The following NELL1 variants were observed in gnomAD, a reference collection of about 807,000 sequenced individuals.
The protein encoded by NELL1 is neural EGFL like 1, also known as protein kinase C-binding protein NELL1.
NELL1 carries 76 observed loss-of-function variants against 107.4 expected under a neutral mutation model. That is an observed-to-expected ratio of 0.71 (90% CI 0.59 to 0.86). NELL1 has a LOEUF of 0.86. NELL1 is among the 40% of genes least tolerant of loss of function. The pLI, the probability that NELL1 is intolerant of heterozygous loss-of-function variation, is 0.00. For missense variants in NELL1, 1,024 were observed against 1,005.5 expected, an observed-to-expected ratio of 1.02 and a Z score of -0.25; for synonymous variants, 353 against 341.2, an observed-to-expected ratio of 1.03 and a Z score of -0.38.
At chr11:20,975,614 A>G (rs962002207) in intron 12 of NELL1, among the ~76,000 whole-genome samples, 5 of 142,424 alleles carry the variant, frequency 3.5e-5, no homozygotes, top group African/African-American at 1.0e-4. Flanking sequence ...ATATATACAC[A>G]TATGTAGATA....
At chr11:20,962,730 T>C (rs779891079) in intron 12 of NELL1, among the ~76,000 whole-genome samples, 2 of 152,252 alleles carry the variant, frequency 1.3e-5, no homozygotes, top group Non-Finnish European at 2.9e-5. Flanking sequence ...TTCTTGGGCA[T>C]GCTCCTGTTT....
At chr11:20,821,413 T>G (rs1456017280) in intron 3 of NELL1, among the ~76,000 whole-genome samples, 1 of 152,206 alleles carries the variant, frequency 6.6e-6, no homozygotes, top group East Asian at 1.9e-4. Context: ...TATGATGAGG[T>G]TGAGGAAGGT....
At chr11:21,437,027 T>C (rs892556260) in intron 15 of NELL1, among the ~76,000 whole-genome samples, 1 of 152,334 alleles carries the variant, frequency 6.6e-6, no homozygotes, top group South Asian at 2.1e-4. Flanking sequence ...TTTTATGACC[T>C]AATATATGGT....
chr11:20,746,194 T>C (rs1239292863), intron 2 of NELL1, among the ~76,000 whole-genome samples: 2 of 152,180 alleles, frequency 1.3e-5, no homozygotes, highest in Non-Finnish European at 2.9e-5. Context: ...CAGTGTCTGT[T>C]GGCAGAGGGA....
intron 17 of NELL1, among the ~76,000 whole-genome samples, chr11:21,562,488 G>A (rs1405251304): frequency 6.6e-6 from 1 of 152,008 alleles, no homozygotes; most frequent in Non-Finnish European, 1.5e-5. Flanking sequence ...TGTGGAGGGG[G>A]AAGACAGCCT....
rs542349627 is a variant in NELL1, at chr11:21,121,294, G to A, written c.1426+7580G>A. 1.4e-4 allele frequency among the ~76,000 whole-genome samples: 21 copies of A among 152,234 alleles called. No homozygotes were observed. The East Asian group carries it at 3.3e-3, about 24-fold the overall frequency. On this transcript the variant is annotated intron_variant, in intron 13 of 19. Coordinates refer to ENST00000357134, the MANE Select transcript of NELL1 (RefSeq NM_006157.5). The stretch of plus-strand genomic sequence containing the variant: ...TGGTGGTGAGAAATGTGGAGTTCAG[G>A]AAGTCATGAAGCAGGGACTTGGATG...
intron 13 of NELL1, among the ~76,000 whole-genome samples, chr11:21,219,048 G>C (rs908833880): frequency 1.3e-5 from 2 of 152,078 alleles, no homozygotes. Context: ...TTTAGTTTAA[G>C]AAACACCCAT....
At chr11:20,720,986 CA>C (rs1855368171) in intron 2 of NELL1, among the ~76,000 whole-genome samples, 1 of 151,826 alleles carries the variant, frequency 6.6e-6, no homozygotes, top group Non-Finnish European at 1.5e-5. Flanking sequence ...CAATAGTAAC[CA>C]AGACACACTA....
chr11:21,036,216 T>C (rs1187083360), intron 12 of NELL1, among the ~76,000 whole-genome samples: 1 of 152,080 alleles, frequency 6.6e-6, no homozygotes, highest in Non-Finnish European at 1.5e-5. Context: ...TACAAAACAC[T>C]GCTCAAGTAA....
chr11:21,437,212 T>A (rs1207684221), intron 15 of NELL1, among the ~76,000 whole-genome samples: 1 of 152,218 alleles, frequency 6.6e-6, no homozygotes, highest in Non-Finnish European at 1.5e-5. Flanking sequence ...AGTGGAATGT[T>A]GAAGTTTCTA....
chr11:21,278,641 A>C (rs1366320248), intron 14 of NELL1, among the ~76,000 whole-genome samples: 1 of 152,164 alleles, frequency 6.6e-6, no homozygotes, highest in Non-Finnish European at 1.5e-5. Context: ...AAAATCAAAG[A>C]ACTAAATAGA....
intron 15 of NELL1, among the ~76,000 whole-genome samples, chr11:21,445,513 TTAG>T (rs1407476525): frequency 6.6e-6 from 1 of 152,024 alleles, no homozygotes; most frequent in Non-Finnish European, 1.5e-5. Flanking sequence ...TTTAGTATTT[TTAG>T]TAGATGTGTG....
At chr11:21,133,684 G>A (rs1307542748) in intron 13 of NELL1, among the ~76,000 whole-genome samples, 1 of 149,678 alleles carries the variant, frequency 6.7e-6, no homozygotes, top group Non-Finnish European at 1.5e-5. Context: ...CAAAATCAGA[G>A]CAGGACTCGG....
At chr11:21,026,375 A>G (rs1197301167) in intron 12 of NELL1, among the ~76,000 whole-genome samples, 1 of 152,022 alleles carries the variant, frequency 6.6e-6, no homozygotes, top group Non-Finnish European at 1.5e-5. Context: ...GGGCCTTTGA[A>G]ATTACTCTGC....
intron 2 of NELL1, among the ~76,000 whole-genome samples, chr11:20,747,324 C>T (rs796528862): frequency 6.6e-6 from 1 of 152,266 alleles, no homozygotes; most frequent in African/African-American, 2.4e-5. Context: ...ATGATTTCTT[C>T]AGCAAGAGGA....
At chr11:20,841,570 A>C (rs1848623751) in intron 3 of NELL1, among the ~76,000 whole-genome samples, 1 of 152,180 alleles carries the variant, frequency 6.6e-6, no homozygotes, top group African/African-American at 2.4e-5. Flanking sequence ...TAGCATAAGA[A>C]TTCTAGGAAT....
intron 2 of NELL1, among the ~76,000 whole-genome samples, chr11:20,728,182 G>A (rs1018966548): frequency 7.9e-5 from 12 of 152,020 alleles, no homozygotes; most frequent in African/African-American, 2.7e-4. Flanking sequence ...AGTTGTTTAA[G>A]TTCCTAATAG....
chr11:21,056,412 G>A (rs1476138045), intron 12 of NELL1, among the ~76,000 whole-genome samples: 1 of 152,114 alleles, frequency 6.6e-6, no homozygotes, highest in African/African-American at 2.4e-5. Context: ...AAGTGAGGAG[G>A]TTTGGGTCCC....
At chr11:21,273,096 A>G (rs771272731) in intron 14 of NELL1, among the ~76,000 whole-genome samples, 54 of 152,162 alleles carry the variant, frequency 3.5e-4, no homozygotes, top group Non-Finnish European at 6.2e-4. Flanking sequence ...CAGACGATCA[A>G]ACTACTCCGA....
Sources: gnomAD v4.1 joint callset for allele counts (sites outside exome capture counted in the v4.1 genomes callset) on GRCh38, gnomAD v4.1.1 for gene constraint, MANE v1.5 for transcripts, NCBI Gene and HGNC (gene_info 2026-07-23, HGNC 2026-07-21) for gene names.